Variants in IQCH observed in about 807,000 individuals in gnomAD.
IQCH encodes the protein IQ motif containing H.
IQCH carries 98 observed loss-of-function variants against 117.0 expected under a neutral mutation model. That is an observed-to-expected ratio of 0.84 (90% CI 0.71 to 0.99). IQCH has a LOEUF of 0.99. IQCH is among the 50% of genes least tolerant of loss of function. The pLI is 0.00. For missense variants in IQCH, 1,102 were observed against 1,243.8 expected (o/e 0.89, Z 1.72); for synonymous variants, 412 against 448.2 (o/e 0.92, Z 1.02).
chr15:67,500,786 G>A lies in IQCH; in HGVS notation c.*40G>A. 9.2e-7 allele frequency: 1 copy of A among 1,092,048 alleles called. No individual in the cohort carries two copies. Among genetic ancestry groups the A allele is most frequent in the Non-Finnish European group, 1.3e-6 (1 of 753,976 alleles). The allele number at this position is 1,092,048 out of a possible 1,614,324, so 67.6% of individuals were successfully genotyped here. A position where few individuals can be genotyped will look rare whatever the true frequency, so the allele number is the denominator to read the frequency against. On this transcript the variant is annotated 3_prime_UTR_variant, in exon 21 of 21. Transcript: ENST00000335894. The surrounding 1 kb of genome is among the most constrained non-coding windows in gnomAD (Gnocchi z 4.4). Reference sequence around the variant, plus strand: ...ACATAACAATTTGGATCCCAGTCTGGAATAAAAAGGGCAATTTTTTTTTCT... The same window carrying A: ...ACATAACAATTTGGATCCCAGTCTGAAATAAAAAGGGCAATTTTTTTTTCT...
At chr15:67,362,123 AT>A (rs1343041599) in intron 8 of IQCH, among the ~76,000 whole-genome samples, 1 of 139,712 alleles carries the variant, frequency 7.2e-6, no homozygotes, top group Non-Finnish European at 1.5e-5. Context: ...AACTTTATAT[AT>A]ATATAACATA....
rs540240827 is a variant in IQCH at position 67,496,524 on chromosome 15, T to C, written c.2970+2158T>C. Reference sequence around the variant, plus strand: ...CCTCTATTCATCATTGTACTGGAGTTCTGGACAGAGAAATTAGGCAAGAAA... The same window carrying C: ...CCTCTATTCATCATTGTACTGGAGTCCTGGACAGAGAAATTAGGCAAGAAA... On this transcript the variant is annotated intron_variant, in intron 20 of 20. Coordinates refer to ENST00000335894, the MANE Select transcript of IQCH (RefSeq NM_001031715.3). This position sits in a 1 kb window ranked among gnomAD's most constrained non-coding sequence, Gnocchi z 4.4. Among the ~76,000 whole-genome samples, 10 of 152,124 alleles carry C rather than the reference T, an allele frequency of 6.6e-5. No individual in the cohort carries two copies. The highest frequency in any genetic ancestry group is 2.4e-4 in the African/African-American group (10 of 41,486).
chr15:67,257,690 T>C (rs1043334853), intron 1 of IQCH, among the ~76,000 whole-genome samples: 1 of 152,246 alleles, frequency 6.6e-6, no homozygotes, highest in African/African-American at 2.4e-5. Context: ...TAAAATGTGG[T>C]ATATTCTTAA....
intron 5 of IQCH, among the ~76,000 whole-genome samples, chr15:67,340,353 G>A (rs908592896): frequency 5.0e-5 from 7 of 140,160 alleles, no homozygotes; most frequent in Admixed American, 7.8e-5. Flanking sequence ...GCTTGAACCC[G>A]GGAGGCAGAG....
At chr15:67,471,007 TC>T (rs2083058835) in intron 17 of IQCH, among the ~76,000 whole-genome samples, 1 of 152,220 alleles carries the variant, frequency 6.6e-6, no homozygotes, top group Non-Finnish European at 1.5e-5. Context: ...TGTTCTCATT[TC>T]TTTTTTTTCA....
rs1487993481 is a variant in IQCH at position 67,385,086 on chromosome 15, T to G, written c.1456+67T>G. 2 of 977,766 alleles carry G rather than the reference T, an allele frequency of 2.0e-6. No homozygotes were observed. Among genetic ancestry groups the G allele is most frequent in the Non-Finnish European group, 3.2e-6 (2 of 631,290 alleles). 60.6% of individuals were successfully genotyped at this position (977,766 alleles called of 1,614,324 possible). A position where few individuals can be genotyped will look rare whatever the true frequency, so the allele number is the denominator to read the frequency against. On this transcript the variant is annotated intron_variant, in intron 11 of 20. Coordinates refer to ENST00000335894, the MANE Select transcript of IQCH (RefSeq NM_001031715.3). This position sits in a 1 kb window ranked among gnomAD's most constrained non-coding sequence, Gnocchi z 4.6. ...TATCAGTGGATGTTGATAGAATGTGTTGTTTTGTTTGTTTGTTTTTTGCTT... is the reference window on the plus strand; with the variant it reads ...TATCAGTGGATGTTGATAGAATGTGGTGTTTTGTTTGTTTGTTTTTTGCTT...
Position 67,479,033 on chromosome 15 carries a change from AT to A in IQCH, c.2799+3220del, listed in dbSNP as rs1373050996. Among the ~76,000 whole-genome samples the A allele has an allele frequency of 6.6e-6, 1 of 152,108 alleles. No homozygotes were observed. The highest frequency in any genetic ancestry group is 2.4e-5 in the African/African-American group (1 of 41,424). On this transcript the variant is annotated intron_variant, in intron 18 of 20. Coordinates refer to ENST00000335894, the MANE Select transcript of IQCH (RefSeq NM_001031715.3). This position sits in a 1 kb window ranked among gnomAD's most constrained non-coding sequence, Gnocchi z 4.6. The stretch of plus-strand genomic sequence containing the variant: ...AATTCTCCAGCAGTATCCTTGCTTT[AT>A]TTTTCCTGAGATGAGTTTTCATCTT...
chr15:67,268,039 C>A (rs1965749543), intron 3 of IQCH, among the ~76,000 whole-genome samples: 1 of 152,184 alleles, frequency 6.6e-6, no homozygotes, highest in South Asian at 2.1e-4. Context: ...GTTATGTAAA[C>A]CAGTCCTAGA....
chr15:67,497,221 C>T (rs2141111299), intron 20 of IQCH, among the ~76,000 whole-genome samples: 1 of 151,758 alleles, frequency 6.6e-6, no homozygotes, highest in East Asian at 2.0e-4. Context: ...GTTCCAGCTA[C>T]TCAGGAGGCT....
chr15:67,293,615 C>T (rs895147766), intron 4 of IQCH, among the ~76,000 whole-genome samples: 2 of 150,832 alleles, frequency 1.3e-5, no homozygotes, highest in African/African-American at 2.5e-5. Context: ...TCGAATTCAC[C>T]GTTGATTGAA....
At position 67,406,246 on chromosome 15, in the gene IQCH, C is replaced by T. The variant is rs1971898219; in HGVS notation, c.2097+5941C>T. The T allele has an allele frequency of 6.6e-6, 1 of 152,090 alleles. No individual in the cohort carries two copies. Among genetic ancestry groups the T allele is most frequent in the South Asian group, 2.1e-4 (1 of 4,826 alleles). 9.4% of individuals were successfully genotyped at this position (152,090 alleles called of 1,614,324 possible). A position where few individuals can be genotyped will look rare whatever the true frequency, so the allele number is the denominator to read the frequency against. On this transcript the variant is annotated intron_variant, in intron 14 of 20. Coordinates refer to ENST00000335894, the MANE Select transcript of IQCH (RefSeq NM_001031715.3). The surrounding 1 kb of genome is among the most constrained non-coding windows in gnomAD (Gnocchi z 4.5). Reference sequence around the variant, plus strand: ...AGCATTTAAAACCCTTGTTTTTAGCCCAGTGCAGTCGATCACTCCTGTAAT... The same window carrying T: ...AGCATTTAAAACCCTTGTTTTTAGCTCAGTGCAGTCGATCACTCCTGTAAT...
In IQCH at chr15:67,453,226, G is replaced by C. The variant is rs200294838; in HGVS notation, c.2506-11901G>C. Among the ~76,000 whole-genome samples the C allele has an allele frequency of 6.6e-6, 1 of 152,100 alleles. No homozygotes were observed. Among genetic ancestry groups the C allele is most frequent in the African/African-American group, 2.4e-5 (1 of 41,396 alleles). Reference sequence around the variant, plus strand: ...ATCTGAAGCCTTCTTCTCTCAACTCGTCAAAGTCATTCTCCATCCAGCTTT... The same window carrying C: ...ATCTGAAGCCTTCTTCTCTCAACTCCTCAAAGTCATTCTCCATCCAGCTTT... On this transcript the variant is annotated intron_variant, in intron 16 of 20. Coordinates refer to ENST00000335894, the MANE Select transcript of IQCH (RefSeq NM_001031715.3). The surrounding 1 kb of genome is among the most constrained non-coding windows in gnomAD (Gnocchi z 5.8).
At chr15:67,323,216 T>C (rs1968225486) in intron 4 of IQCH, among the ~76,000 whole-genome samples, 2 of 151,722 alleles carry the variant, frequency 1.3e-5, no homozygotes, top group African/African-American at 2.4e-5. Context: ...TTCCTTATTC[T>C]TTGTTTTCTG....
At chr15:67,282,042 T>C (rs993513876) in intron 4 of IQCH, 4 of 194,994 alleles carry the variant, frequency 2.1e-5, no homozygotes, top group African/African-American at 9.4e-5. Context: ...ACAGATCAGA[T>C]CCCTGACATC....
intron 16 of IQCH, among the ~76,000 whole-genome samples, chr15:67,446,585 C>A (rs1369112553): frequency 6.6e-6 from 1 of 152,134 alleles, no homozygotes; most frequent in Admixed American, 6.5e-5. Flanking sequence ...ACCATAGCAG[C>A]AGAGCCTGGA....
In IQCH at chr15:67,400,159, C is replaced by A. The variant is rs202052131; in HGVS notation, c.1951C>A (p.Gln651Lys). 2 of 1,613,898 alleles carry A rather than the reference C, an allele frequency of 1.2e-6. No homozygotes were observed. Among genetic ancestry groups the A allele is most frequent in the Admixed American group, 3.3e-5 (2 of 60,000 alleles). Residue 651 changes from glutamine to lysine, a missense_variant, in exon 14 of 21, where the codon CAG becomes AAG. By Grantham distance (53) the Gln-to-Lys change is moderately conservative. This residue lies in a region of IQCH where 650 missense variants were observed against 794.3 expected (regional missense o/e 0.82). Coordinates refer to ENST00000335894, the MANE Select transcript of IQCH (RefSeq NM_001031715.3). Reference sequence around the variant, plus strand: ...GCTGATAACTGATCACCTGCAAATACAGCGTTGGCTCTTTAAAATGGACTC... The same window carrying A: ...GCTGATAACTGATCACCTGCAAATAAAGCGTTGGCTCTTTAAAATGGACTC... ...SQLITDHLQI[Q>K]RWLFKMDSEF... is the part of the protein sequence containing the mutation.
chr15:67,496,737 G>C lies in IQCH; in HGVS notation c.2970+2371G>C, dbSNP rs1308185060. Among the ~76,000 whole-genome samples, 1 of 151,946 alleles carries C rather than the reference G, an allele frequency of 6.6e-6. No individual in the cohort carries two copies. Among genetic ancestry groups the C allele is most frequent in the Non-Finnish European group, 1.5e-5 (1 of 67,982 alleles). ...AAGAAGAAATAAAAGTAAAAGTATCGGCCGGGCACGGTGGCTCACGCCTGT... is the reference window on the plus strand; with the variant it reads ...AAGAAGAAATAAAAGTAAAAGTATCCGCCGGGCACGGTGGCTCACGCCTGT... On this transcript the variant is annotated intron_variant, in intron 20 of 20. Coordinates refer to ENST00000335894, the MANE Select transcript of IQCH (RefSeq NM_001031715.3). This position sits in a 1 kb window ranked among gnomAD's most constrained non-coding sequence, Gnocchi z 4.4.
intron 4 of IQCH, among the ~76,000 whole-genome samples, chr15:67,287,975 A>C (rs1294844138): frequency 6.6e-6 from 1 of 151,916 alleles, no homozygotes; most frequent in Non-Finnish European, 1.5e-5. Context: ...GAAATTTTTC[A>C]GTTTTCTTAA....
rs1970498214 is a variant in IQCH, at chr15:67,370,774, A to T, written c.754-1337A>T. 6.6e-6 allele frequency among the ~76,000 whole-genome samples: 1 copy of T among 152,224 alleles called. No homozygotes were observed. The highest frequency in any genetic ancestry group is 1.5e-5 in the Non-Finnish European group (1 of 68,032). ...ACACAAAAAGCTCACTGCTGTTTAA[A>T]GTCTGCTTCTAAAGTGAAAGGAAAT... On this transcript the variant is annotated intron_variant, in intron 8 of 20. Coordinates refer to ENST00000335894, the MANE Select transcript of IQCH (RefSeq NM_001031715.3). The surrounding 1 kb of genome is among the most constrained non-coding windows in gnomAD (Gnocchi z 5.6).
Sources: gnomAD v4.1 joint callset for allele counts (sites outside exome capture counted in the v4.1 genomes callset) on GRCh38, gnomAD v4.1.1 for gene constraint, gnomAD v4.1.1 regional missense constraint, Gnocchi (gnomAD v3.1) non-coding constraint, MANE v1.5 for transcripts, NCBI Gene and HGNC (gene_info 2026-07-23, HGNC 2026-07-21) for gene names.